The following ISM1 variants were observed in gnomAD, a reference collection of about 807,000 sequenced individuals.
ISM1 encodes the protein isthmin-1.
A neutral mutation model predicts 46.3 loss-of-function variants in ISM1; 25 were observed. That is an observed-to-expected ratio of 0.54 (90% CI 0.39 to 0.75). The LOEUF (loss-of-function observed/expected upper bound fraction) is 0.75, where lower values mean the gene tolerates loss of function less well. ISM1 is among the 30% of genes least tolerant of loss of function. ISM1 has a pLI of 0.00. For synonymous variants in ISM1, 255 were observed against 256.7 expected (o/e 0.99, Z 0.06); for missense variants, 536 against 625.4 (o/e 0.86, Z 1.52).
chr20:13,314,214 A>T, the ISM1 span, among the ~76,000 whole-genome samples: 1 of 152,196 alleles, frequency 6.6e-6, no homozygotes, highest in Admixed American at 6.5e-5. Context: ...TATTTGAAAT[A>T]ATAATAACAG....
At chr20:13,247,364 C>T (rs565457703) in intron 1 of ISM1, among the ~76,000 whole-genome samples, 9 of 152,294 alleles carry the variant, frequency 5.9e-5, no homozygotes, top group African/African-American at 9.6e-5. Context: ...TAAGTGTCAG[C>T]GTGTCCCTTC....
chr20:13,315,903 CA>C, the ISM1 span, among the ~76,000 whole-genome samples: 1 of 151,958 alleles, frequency 6.6e-6, no homozygotes, highest in East Asian at 1.9e-4. Flanking sequence ...ACACATGGGT[CA>C]AAGAAAACAT....
chr20:13,224,845 T>C (rs981277953), intron 1 of ISM1, among the ~76,000 whole-genome samples: 6 of 140,070 alleles, frequency 4.3e-5, no homozygotes, highest in Admixed American at 7.0e-5. Flanking sequence ...TTCTTTCTTT[T>C]TTTTTTTTTT....
intron 5 of ISM1, among the ~76,000 whole-genome samples, chr20:13,297,094 G>A (rs185704262): frequency 6.6e-6 from 1 of 152,242 alleles, no homozygotes; most frequent in East Asian, 1.9e-4. Context: ...AGTTTTTGAG[G>A]CAAAGAAGGG....
At position 13,268,137 on chromosome 20, in the gene ISM1, T is replaced by C. The variant is rs139475619; in HGVS notation, c.139-2367T>C. Among the ~76,000 whole-genome samples the C allele has an allele frequency of 7.6e-3, 1,138 of 150,648 alleles. 16 individuals carry two copies. The highest frequency in any genetic ancestry group is 0.026 in the African/African-American group (1,059 of 40,736). Reference sequence around the variant, plus strand: ...CTGTCTTCTCTTCTCTTCTCTTCTCTTCTCTTCTCTTCTCTTCCCTTCCCT... The same window carrying C: ...CTGTCTTCTCTTCTCTTCTCTTCTCCTCTCTTCTCTTCTCTTCCCTTCCCT... On this transcript the variant is annotated intron_variant, in intron 1 of 5. Coordinates refer to ENST00000262487, the MANE Select transcript of ISM1 (RefSeq NM_080826.2).
intron 3 of ISM1, among the ~76,000 whole-genome samples, chr20:13,280,285 C>T (rs958045962): frequency 2.6e-5 from 4 of 151,148 alleles, no homozygotes; most frequent in African/African-American, 9.7e-5. Flanking sequence ...AAAAGAGATA[C>T]GTACGGCTGC....
At chr20:13,251,468 A>G (rs2039867495) in intron 1 of ISM1, among the ~76,000 whole-genome samples, 1 of 152,200 alleles carries the variant, frequency 6.6e-6, no homozygotes, top group South Asian at 2.1e-4. Flanking sequence ...AATGGGAGAA[A>G]GTCCACTTTG....
intron 1 of ISM1, among the ~76,000 whole-genome samples, chr20:13,222,702 G>C (rs1176887004): frequency 6.6e-6 from 1 of 152,218 alleles, no homozygotes. Flanking sequence ...TGGACGGTCA[G>C]ACATAATGTG....
chr20:13,278,663 A>G (rs1297414055), intron 2 of ISM1, among the ~76,000 whole-genome samples: 2 of 152,186 alleles, frequency 1.3e-5, no homozygotes, highest in East Asian at 3.8e-4. Context: ...TTATCTGGCA[A>G]TCATCTCAAA....
intron 1 of ISM1, among the ~76,000 whole-genome samples, chr20:13,254,832 T>G (rs777895171): frequency 2.0e-5 from 3 of 152,184 alleles, no homozygotes; most frequent in Non-Finnish European, 4.4e-5. Flanking sequence ...TCGAGAGATG[T>G]AGGAGGAGTC....
At chr20:13,227,004 G>C (rs1007498074) in intron 1 of ISM1, among the ~76,000 whole-genome samples, 1 of 152,106 alleles carries the variant, frequency 6.6e-6, no homozygotes, top group Non-Finnish European at 1.5e-5. Flanking sequence ...ATAGTGCAAG[G>C]ACATAAAGTG....
chr20:13,286,165 G>A (rs951345069), intron 3 of ISM1, among the ~76,000 whole-genome samples: 1 of 152,060 alleles, frequency 6.6e-6, no homozygotes, highest in Non-Finnish European at 1.5e-5. Context: ...ATCTGGCCTC[G>A]GTGGTGTGTG....
the ISM1 span, among the ~76,000 whole-genome samples, chr20:13,324,662 A>G: frequency 6.6e-6 from 1 of 152,180 alleles, no homozygotes; most frequent in Admixed American, 6.5e-5. Flanking sequence ...AAACAAAATG[A>G]TGCCTACAAA....
At chr20:13,324,752 C>T in the ISM1 span, among the ~76,000 whole-genome samples, 12 of 152,154 alleles carry the variant, frequency 7.9e-5, no homozygotes, top group Non-Finnish European at 1.8e-4. Flanking sequence ...GGAACAGCAC[C>T]TAGCACCACT....
At chr20:13,321,169 T>A in the ISM1 span, among the ~76,000 whole-genome samples, 462 of 145,486 alleles carry the variant, frequency 3.2e-3, no homozygotes, top group African/African-American at 0.011. Flanking sequence ...GCCACTACAC[T>A]GCAGCCTAGG....
chr20:13,304,679 G>C (rs73082235), downstream of ISM1, among the ~76,000 whole-genome samples: 35,781 of 152,066 alleles, frequency 0.24, 4,431 homozygotes, highest in East Asian at 0.34. Flanking sequence ...GGTGATCTTG[G>C]GGGAATCAGT....
At chr20:13,277,654 T>G (rs1031250127) in intron 2 of ISM1, among the ~76,000 whole-genome samples, 3 of 152,086 alleles carry the variant, frequency 2.0e-5, no homozygotes, top group Non-Finnish European at 4.4e-5. Context: ...TTTTTTTTTT[T>G]TTTACTTTTG....
chr20:13,239,552 G>T (rs1230905927), intron 1 of ISM1: 1 of 152,182 alleles, frequency 6.6e-6, no homozygotes, highest in Non-Finnish European at 1.5e-5. Context: ...AGTACCTTTT[G>T]TGCCACCAGG....
chr20:13,254,915 T>C (rs2039909452), intron 1 of ISM1, among the ~76,000 whole-genome samples: 1 of 152,226 alleles, frequency 6.6e-6, no homozygotes, highest in South Asian at 2.1e-4. Flanking sequence ...TCATTGTCCC[T>C]TCCATTCATT....
Sources: gnomAD v4.1 joint callset for allele counts (sites outside exome capture counted in the v4.1 genomes callset) on GRCh38, gnomAD v4.1.1 for gene constraint, MANE v1.5 for transcripts, NCBI Gene and HGNC (gene_info 2026-07-23, HGNC 2026-07-21) for gene names.